Variants in CLMP observed in about 807,000 individuals in gnomAD.
CLMP encodes the protein CXADR like cell adhesion molecule.
In CLMP, 27 loss-of-function variants were observed where a neutral mutation model predicts 45.2. The observed-to-expected ratio is 0.60, with a 90% confidence interval of 0.44 to 0.82. The LOEUF (loss-of-function observed/expected upper bound fraction) is 0.82. Among genes scored for constraint, CLMP ranks in the 40% least tolerant of loss-of-function variants. CLMP has a pLI of 0.00. For missense variants in CLMP, 403 were observed against 448.4 expected, an observed-to-expected ratio of 0.90 and a Z score of 0.91; for synonymous variants, 167 against 171.4, an observed-to-expected ratio of 0.97 and a Z score of 0.20.
At position 123,074,745 on chromosome 11, in the gene CLMP, C is replaced by T. The variant is rs1356529899; in HGVS notation, c.778G>A (p.Asp260Asn). The T allele has an allele frequency of 6.2e-7, 1 of 1,614,052 alleles. No individual in the cohort carries two copies. Among genetic ancestry groups the T allele is most frequent in the African/African-American group, 1.3e-5 (1 of 74,942 alleles). The change falls in exon 6 of 7, where the codon GAC becomes AAC. Residue 260 changes from aspartate (D) to asparagine (N), a missense_variant. Transcript: ENST00000448775. Reference sequence around the variant, plus strand: ...TCTTCTTCCTCATATCTTTCTTTGTCTTTCCTTCGGATTAGCAGCCACACC... The same window carrying T: ...TCTTCTTCCTCATATCTTTCTTTGTTTTTCCTTCGGATTAGCAGCCACACC... Reference protein sequence around the residue: ...LLVWLLIRRKDKERYEEEERP... With the variant: ...LLVWLLIRRKNKERYEEEERP...
intron 1 of CLMP, among the ~76,000 whole-genome samples, chr11:123,183,156 T>C (rs1426361400): frequency 6.6e-6 from 1 of 152,158 alleles, no homozygotes; most frequent in African/African-American, 2.4e-5. Flanking sequence ...GGTCTGGAGT[T>C]AGTGGGTCTG....
At chr11:123,163,197 T>C (rs747294780) in intron 1 of CLMP, among the ~76,000 whole-genome samples, 7 of 152,128 alleles carry the variant, frequency 4.6e-5, no homozygotes, top group African/African-American at 7.2e-5. Context: ...AGAGTTCCCA[T>C]TGAAAATGCC....
chr11:123,127,899 C>T (rs565964882), intron 1 of CLMP, among the ~76,000 whole-genome samples: 13 of 151,980 alleles, frequency 8.6e-5, no homozygotes, highest in Admixed American at 3.9e-4. Context: ...ATTAGCCGGG[C>T]GTGGTGGTGC....
chr11:123,189,081 C>T (rs1407893998), intron 1 of CLMP: 2 of 152,206 alleles, frequency 1.3e-5, no homozygotes, highest in Non-Finnish European at 2.9e-5. Flanking sequence ...CACTAGTAAT[C>T]CATACATGAT....
chr11:123,123,259 C>CA (rs1860843782), intron 1 of CLMP, among the ~76,000 whole-genome samples: 1 of 117,700 alleles, frequency 8.5e-6, no homozygotes, highest in African/African-American at 3.4e-5. Context: ...TCTTTCTTTC[C>CA]TTTTTTTTTT....
rs996838859 is a variant in CLMP, at chr11:123,073,640, G to A, written c.956C>T (p.Ser319Leu). The change falls in exon 7 of 7, where the codon TCA becomes TTA. Residue 319 changes from serine to leucine, a missense_variant. Physicochemically the swap from Ser to Leu is moderately radical, Grantham distance 145 (BLOSUM62 -2). Transcript: ENST00000448775. Reference protein sequence around the residue: ...NSASRSQRTLSTDAAPQPGLA... With the variant: ...NSASRSQRTLLTDAAPQPGLA... ...CCCTGGCTGGGGTGCTGCGTCAGTT[G>A]ACAGTGTCCGCTGGCTGCGTGAGGC... 1 of 1,614,134 alleles carries A rather than the reference G, an allele frequency of 6.2e-7. No individual in the cohort carries two copies. The highest frequency in any genetic ancestry group is 1.3e-5 in the African/African-American group (1 of 74,948).
At chr11:123,118,206 T>G (rs1415435828) in intron 1 of CLMP, among the ~76,000 whole-genome samples, 2 of 152,158 alleles carry the variant, frequency 1.3e-5, no homozygotes, top group South Asian at 4.1e-4. Context: ...CTTGGCTCAC[T>G]GCAACCTCTG....
At chr11:123,082,617 G>GTT (rs554707005) in intron 5 of CLMP, among the ~76,000 whole-genome samples, 1 of 142,602 alleles carries the variant, frequency 7.0e-6, no homozygotes, top group Non-Finnish European at 1.6e-5. Flanking sequence ...TTTTGTGTGT[G>GTT]TTTTTTTTTT....
intron 1 of CLMP, among the ~76,000 whole-genome samples, chr11:123,134,921 A>G (rs910146784): frequency 5.3e-5 from 8 of 152,172 alleles, no homozygotes; most frequent in Non-Finnish European, 1.0e-4. Flanking sequence ...GCAGCAATAA[A>G]CAAATTAACT....
intron 6 of CLMP, among the ~76,000 whole-genome samples, chr11:123,074,031 A>T (rs4936771): frequency 0.11 from 16,233 of 151,946 alleles, 1,437 homozygotes; most frequent in African/African-American, 0.23. Flanking sequence ...TAGACAGCAC[A>T]CCTCCTGATT....
At chr11:123,082,602 G>GGT (rs531717048) in intron 5 of CLMP, among the ~76,000 whole-genome samples, 2 of 141,264 alleles carry the variant, frequency 1.4e-5, no homozygotes, top group Non-Finnish European at 3.1e-5. Context: ...CGCTGGGCTG[G>GGT]TTTTTTTTGT....
At chr11:123,164,105 A>G (rs1487601076) in intron 1 of CLMP, among the ~76,000 whole-genome samples, 1 of 151,986 alleles carries the variant, frequency 6.6e-6, no homozygotes, top group African/African-American at 2.4e-5. Context: ...GGAAGTACTA[A>G]ATAATTTGCT....
intron 5 of CLMP, among the ~76,000 whole-genome samples, chr11:123,078,801 C>G (rs1053277302): frequency 3.3e-5 from 5 of 151,920 alleles, no homozygotes; most frequent in Non-Finnish European, 7.4e-5. Flanking sequence ...CCTGCCACCA[C>G]GCCCAGCTAA....
intron 1 of CLMP, among the ~76,000 whole-genome samples, chr11:123,178,523 C>G (rs1003200799): frequency 6.6e-5 from 10 of 152,172 alleles, no homozygotes; most frequent in African/African-American, 2.4e-4. Context: ...CAGCAGTTTG[C>G]TCATCTATAA....
chr11:123,154,774 C>T (rs12278752), intron 1 of CLMP, among the ~76,000 whole-genome samples: 11,226 of 152,174 alleles, frequency 0.074, 471 homozygotes, highest in African/African-American at 0.11. Flanking sequence ...TGATTATAAT[C>T]CATTGTGAAG....
At chr11:123,097,452 C>T (rs1866003938) in intron 2 of CLMP, among the ~76,000 whole-genome samples, 3 of 152,092 alleles carry the variant, frequency 2.0e-5, no homozygotes, top group African/African-American at 7.2e-5. Context: ...ATTCTCCTGC[C>T]TCAGCCTCCC....
At chr11:123,161,126 T>C (rs10892974) in intron 1 of CLMP, among the ~76,000 whole-genome samples, 70,051 of 152,130 alleles carry the variant, frequency 0.46, 17,423 homozygotes, top group South Asian at 0.58. Context: ...GTACTAGGTA[T>C]GTACCAGGTG....
At chr11:123,137,438 C>G (rs865991696) in intron 1 of CLMP, among the ~76,000 whole-genome samples, 2 of 151,942 alleles carry the variant, frequency 1.3e-5, no homozygotes, top group Admixed American at 6.6e-5. Flanking sequence ...GAAAGAGGAG[C>G]AAAGCCTGGT....
In CLMP at chr11:123,138,825, T is replaced by G. The variant is rs529568954; in HGVS notation, c.29-40873A>C. Among the ~76,000 whole-genome samples, 8 of 152,196 alleles carry G rather than the reference T, an allele frequency of 5.3e-5. No homozygotes were observed. In the South Asian group the frequency reaches 1.7e-3, roughly 32 times the overall value. On this transcript the variant is annotated intron_variant, in intron 1 of 6. Transcript: ENST00000448775. ...TGCACCACCACACCCAGCTAATTTT[T>G]TGTATTTTTAGTAGAGATGGGGTTT...
Sources: gnomAD v4.1 joint callset for allele counts (sites outside exome capture counted in the v4.1 genomes callset) on GRCh38, gnomAD v4.1.1 for gene constraint, MANE v1.5 for transcripts, NCBI Gene and HGNC (gene_info 2026-07-23, HGNC 2026-07-21) for gene names.